The following ROR1 variants were observed in gnomAD, a reference collection of about 807,000 sequenced individuals.
ROR1 encodes ROR family WNT receptor 1.
ROR1 carries 19 observed loss-of-function variants against 78.8 expected under a neutral mutation model. The observed-to-expected ratio is 0.24, with a 90% CI of 0.17 to 0.35. ROR1 has a LOEUF of 0.35. Among genes scored for constraint, ROR1 ranks in the 10% least tolerant of loss-of-function variants. ROR1 has a pLI of 1.00. For synonymous variants in ROR1, 386 were observed against 433.6 expected (o/e 0.89, Z 1.36); for missense variants, 917 against 1,177.8 (o/e 0.78, Z 3.24).
rs1649439706 is a variant in ROR1 at position 64,145,096 on chromosome 1, A to G, written c.1174+2446A>G. Among the ~76,000 whole-genome samples the G allele has an allele frequency of 2.6e-5, 4 of 152,244 alleles. No homozygotes were observed. In the South Asian group the frequency reaches 8.3e-4, roughly 31 times the overall value. Reference sequence around the variant, plus strand: ...ATTATTATATAGTCAATATATAAAGATAAATCGATTCGAATTATCACATAG... The same window carrying G: ...ATTATTATATAGTCAATATATAAAGGTAAATCGATTCGAATTATCACATAG... On this transcript the variant is annotated intron_variant, in intron 7 of 8. Coordinates refer to ENST00000371079, the MANE Select transcript of ROR1 (RefSeq NM_005012.4).
chr1:64,100,871 G>A (rs1346932045), intron 4 of ROR1, among the ~76,000 whole-genome samples: 1 of 152,196 alleles, frequency 6.6e-6, no homozygotes, highest in African/African-American at 2.4e-5. Flanking sequence ...CCCCCTCTGT[G>A]CCTGGACCAT....
chr1:64,180,048 C>G lies in ROR1; in HGVS notation c.*1193C>G, dbSNP rs1650508206. The G allele has an allele frequency of 6.6e-6, 1 of 152,108 alleles. No individual in the cohort carries two copies. The highest frequency in any genetic ancestry group is 1.9e-4 in the East Asian group (1 of 5,192). The allele number at this position is 152,108 out of a possible 1,614,324, so 9.4% of individuals were successfully genotyped here. ...CTATTTTGCAAAATATGATGGTCTT[C>G]CTAAAAAACAAGTACTGAGTTCTCA... On this transcript the variant is annotated 3_prime_UTR_variant, in exon 9 of 9. Transcript: ENST00000371079.
intron 1 of ROR1, among the ~76,000 whole-genome samples, chr1:63,925,072 T>C (rs1388168406): frequency 4.6e-5 from 7 of 151,082 alleles, no homozygotes; most frequent in Admixed American, 6.6e-5. Context: ...TGCAGGTTAG[T>C]TACATATGTA....
At chr1:63,947,130 G>A (rs970528213) in intron 1 of ROR1, among the ~76,000 whole-genome samples, 8 of 152,168 alleles carry the variant, frequency 5.3e-5, no homozygotes, top group Non-Finnish European at 1.0e-4. Context: ...GGTGATTGGC[G>A]TCCTGAGTAA....
chr1:63,797,407 G>A (rs1313981241), intron 1 of ROR1, among the ~76,000 whole-genome samples: 2 of 152,150 alleles, frequency 1.3e-5, no homozygotes, highest in Non-Finnish European at 2.9e-5. Context: ...AGCATGTGTG[G>A]GAAGGCTGAA....
At chr1:64,021,300 G>T (rs770539480) in intron 2 of ROR1, among the ~76,000 whole-genome samples, 4 of 152,024 alleles carry the variant, frequency 2.6e-5, no homozygotes, top group Non-Finnish European at 5.9e-5. Context: ...ATCCTTCCTA[G>T]GACTCTAATT....
At chr1:63,896,778 G>A (rs1645443459) in intron 1 of ROR1, among the ~76,000 whole-genome samples, 1 of 152,082 alleles carries the variant, frequency 6.6e-6, no homozygotes, top group Non-Finnish European at 1.5e-5. Flanking sequence ...TTGGGGGGCT[G>A]CTTTCTGGAA....
intron 1 of ROR1, among the ~76,000 whole-genome samples, chr1:63,881,774 G>A (rs1329620914): frequency 6.6e-6 from 1 of 152,100 alleles, no homozygotes; most frequent in African/African-American, 2.4e-5. Flanking sequence ...TTGCCCCTAA[G>A]GAAATATAAA....
At chr1:64,108,060 TTGTGTGTGTGTG>T (rs3084945) in intron 4 of ROR1, among the ~76,000 whole-genome samples, 21,755 of 146,434 alleles carry the variant, frequency 0.15, 1,878 homozygotes, top group Non-Finnish European at 0.2. Context: ...TGTTTTCTTG[TTGTGTGTGTGTG>T]TGTGTGTGTG....
chr1:64,052,175 T>C (rs1646838431), intron 4 of ROR1, among the ~76,000 whole-genome samples: 1 of 151,540 alleles, frequency 6.6e-6, no homozygotes, highest in Admixed American at 6.6e-5. Flanking sequence ...CATTTCTTGA[T>C]GCTAATCTGC....
chr1:64,055,498 A>G (rs1350672275), intron 4 of ROR1, among the ~76,000 whole-genome samples: 1 of 152,246 alleles, frequency 6.6e-6, no homozygotes, highest in Non-Finnish European at 1.5e-5. Context: ...GACAGAGGGC[A>G]AGACATGTAG....
intron 1 of ROR1, among the ~76,000 whole-genome samples, chr1:63,904,318 C>T (rs1255658627): frequency 1.3e-5 from 2 of 152,152 alleles, no homozygotes; most frequent in Non-Finnish European, 2.9e-5. Context: ...AAACAAGGAT[C>T]TTGCTCAAGG....
intron 1 of ROR1, among the ~76,000 whole-genome samples, chr1:63,885,416 G>A (rs1205953167): frequency 6.6e-6 from 1 of 152,094 alleles, no homozygotes; most frequent in Non-Finnish European, 1.5e-5. Context: ...GGGCCACAGA[G>A]GGGTGAATAT....
intron 4 of ROR1, among the ~76,000 whole-genome samples, chr1:64,080,412 T>A (rs1421971565): frequency 6.6e-6 from 1 of 152,198 alleles, no homozygotes; most frequent in Non-Finnish European, 1.5e-5. Context: ...GACCATGGTC[T>A]GTTTTTAAGT....
At position 64,133,163 on chromosome 1, in the gene ROR1, C is replaced by T. The variant is rs546747641; in HGVS notation, c.483-4206C>T. ...TGGGTCTGAAAGATGAGAACATTCACAAGGAGAACGAGGGGGTGGAGGGCA... is the reference window on the plus strand; with the variant it reads ...TGGGTCTGAAAGATGAGAACATTCATAAGGAGAACGAGGGGGTGGAGGGCA... On this transcript the variant is annotated intron_variant, in intron 4 of 8. Transcript: ENST00000371079. Among the ~76,000 whole-genome samples, 8 of 152,184 alleles carry T rather than the reference C, an allele frequency of 5.3e-5. 1 individual carries two copies. In the East Asian group the frequency reaches 1.5e-3, roughly 29 times the overall value.
intron 1 of ROR1, among the ~76,000 whole-genome samples, chr1:63,881,950 T>A (rs2100375350): frequency 6.6e-6 from 1 of 152,222 alleles, no homozygotes; most frequent in South Asian, 2.1e-4. Context: ...GTACCACCCA[T>A]TTTCTGTACC....
intron 1 of ROR1, among the ~76,000 whole-genome samples, chr1:63,951,817 C>T (rs1645941754): frequency 6.6e-6 from 1 of 152,050 alleles, no homozygotes; most frequent in Non-Finnish European, 1.5e-5. Context: ...ACCAGAAGTA[C>T]AAATATGCTG....
chr1:63,809,046 G>T (rs1644845508), intron 1 of ROR1, among the ~76,000 whole-genome samples: 1 of 152,166 alleles, frequency 6.6e-6, no homozygotes, highest in South Asian at 2.1e-4. Context: ...ACAATGGGAT[G>T]GATGTTGATG....
intron 1 of ROR1, among the ~76,000 whole-genome samples, chr1:63,957,144 A>C (rs1035225692): frequency 9.9e-5 from 15 of 152,148 alleles, no homozygotes; most frequent in African/African-American, 3.4e-4. Flanking sequence ...GCAATGACAA[A>C]TGTAGCAAAC....
Sources: gnomAD v4.1 joint callset for allele counts (sites outside exome capture counted in the v4.1 genomes callset) on GRCh38, gnomAD v4.1.1 for gene constraint, MANE v1.5 for transcripts, NCBI Gene and HGNC (gene_info 2026-07-23, HGNC 2026-07-21) for gene names.